The following OSTC variants were observed in gnomAD, a reference collection of about 807,000 sequenced individuals.
OSTC encodes the protein oligosaccharyltransferase complex subunit OSTC.
Under a neutral mutation model 16.4 loss-of-function variants are expected in OSTC, and 16 were observed. The ratio of observed to expected loss-of-function variants is 0.98; its 90% CI spans 0.66 to 1.49. The LOEUF is 1.49. Ranked by LOEUF, OSTC falls within the 40% of genes most tolerant of loss-of-function variation. The pLI, the probability that OSTC is intolerant of heterozygous loss-of-function variation, is 0.00. For synonymous variants in OSTC, 67 were observed against 68.5 expected, an observed-to-expected ratio of 0.98 and a Z score of 0.11; for missense variants, 139 against 186.3, an observed-to-expected ratio of 0.75 and a Z score of 1.48.
intron 1 of OSTC, 147 bp from the exon 2 acceptor site, chr4:108,655,417 A>G (rs554994777): frequency 2.3e-5 from 11 of 485,038 alleles, no homozygotes; most frequent in East Asian, 1.2e-4. Context: ...CAGTAAGCCA[A>G]GTGGCGCCAC....
chr4:108,667,192 G>A, intron 3 of OSTC, 55 bp from the exon 4 acceptor site: 1 of 1,456,700 alleles, frequency 6.9e-7, no homozygotes, highest in Non-Finnish European at 9.5e-7. Context: ...ATGATAATAA[G>A]AGAATATAAA....
chr4:108,650,831 G>C (rs754317565), intron 1 of OSTC, 37 bp downstream of exon 1: 3 of 1,613,412 alleles, frequency 1.9e-6, no homozygotes, highest in East Asian at 2.2e-5. Context: ...GCTGAGGAGC[G>C]GAGAACTGAC....
chr4:108,651,022 T>A (rs1226864064), intron 1 of OSTC: 2 of 539,184 alleles, frequency 3.7e-6, no homozygotes, highest in African/African-American at 3.8e-5. Context: ...GCCTTTCTTC[T>A]CCTTCTAGCC....
At position 108,657,917 on chromosome 4, in the gene OSTC, C is replaced by CTTTTT. The variant is rs70949037; in HGVS notation, c.431+296_431+300dup. Among the ~76,000 whole-genome samples the CTTTTT allele has an allele frequency of 2.4e-3, 161 of 67,202 alleles. 6 individuals carry two copies. The highest frequency in any genetic ancestry group is 0.016 in the Middle Eastern group (1 of 62). The allele number at this position is 67,202 out of a possible 152,430, so 44.1% of individuals were successfully genotyped here. A position where few individuals can be genotyped will look rare whatever the true frequency, so the allele number is the denominator to read the frequency against. The stretch of plus-strand genomic sequence containing the variant: ...CAATGACTGAAGATAGTCATTGTTT[C>CTTTTT]TTTTTTTTTTTTTTTTTTTTTTTTT... On this transcript the variant is annotated intron_variant, in intron 3 of 3. Coordinates refer to ENST00000361564, the MANE Select transcript of OSTC (RefSeq NM_021227.4).
At chr4:108,658,173 C>G (rs1229587818) in intron 3 of OSTC, among the ~76,000 whole-genome samples, 1 of 151,922 alleles carries the variant, frequency 6.6e-6, no homozygotes, top group Non-Finnish European at 1.5e-5. Context: ...CTCAGGTGAT[C>G]CTCCTGCCTC....
intron 3 of OSTC, among the ~76,000 whole-genome samples, chr4:108,663,005 C>T (rs1726896574): frequency 6.6e-6 from 1 of 152,270 alleles, no homozygotes; most frequent in East Asian, 1.9e-4. Flanking sequence ...ACTCTCTTGG[C>T]CTCAGGTTCC....
At chr4:108,658,815 A>G (rs1342544793) in intron 3 of OSTC, among the ~76,000 whole-genome samples, 2 of 152,008 alleles carry the variant, frequency 1.3e-5, no homozygotes, top group Non-Finnish European at 2.9e-5. Context: ...ATTGTCTGTA[A>G]CACACCTGGG....
At chr4:108,661,829 C>T (rs1438854542) in intron 3 of OSTC, among the ~76,000 whole-genome samples, 1 of 151,936 alleles carries the variant, frequency 6.6e-6, no homozygotes, top group East Asian at 1.9e-4. Flanking sequence ...GAACTCCTGA[C>T]CTCAAGTGAT....
rs1271886943 is a variant in OSTC at position 108,665,526 on chromosome 4, ATGTTTTGTGTTTTGTTTTGTTT to A, written c.432-1712_432-1691del. On this transcript the variant is annotated intron_variant, in intron 3 of 3. Coordinates refer to ENST00000361564, the MANE Select transcript of OSTC (RefSeq NM_021227.4). ...ACGGGGTTTCACCATGTTAGCCAGG[ATGTTTTGTGTTTTGTTTTGTTT>A]TGTTTTGTTTTTTCTTTTTTTTTTT... is the stretch of plus-strand genomic sequence containing the variant. 1.8e-4 allele frequency among the ~76,000 whole-genome samples: 5 copies of A among 27,164 alleles called. No homozygotes were observed. The East Asian group carries it at 0.042, about 230-fold the overall frequency. The allele number at this position is 27,164 out of a possible 152,430, so 17.8% of individuals were successfully genotyped here. A position where few individuals can be genotyped will look rare whatever the true frequency, so the allele number is the denominator to read the frequency against.
chr4:108,665,061 T>C (rs1373336085), intron 3 of OSTC, among the ~76,000 whole-genome samples: 3 of 152,166 alleles, frequency 2.0e-5, no homozygotes, highest in African/African-American at 2.4e-5. Context: ...GTTGATTGCA[T>C]TGGCTGAACA....
At position 108,664,117 on chromosome 4, in the gene OSTC, G is replaced by A. The variant is rs928660041; in HGVS notation, c.432-3130G>A. Among the ~76,000 whole-genome samples the A allele has an allele frequency of 1.5e-4, 22 of 149,396 alleles. No individual in the cohort carries two copies. The East Asian group carries it at 1.7e-3, about 12-fold the overall frequency. ...CTTTTCTTTTTTCTAACATGGTATC[G>A]TTATAACATTATAATATTTCTTAGT... On this transcript the variant is annotated intron_variant, in intron 3 of 3. Coordinates refer to ENST00000361564, the MANE Select transcript of OSTC (RefSeq NM_021227.4).
intron 1 of OSTC, among the ~76,000 whole-genome samples, chr4:108,655,090 G>A (rs1043133815): frequency 1.3e-5 from 2 of 152,164 alleles, no homozygotes; most frequent in African/African-American, 4.8e-5. Context: ...TGAGTTGAAT[G>A]TCTGAATGAT....
chr4:108,656,229 T>C lies in OSTC; in HGVS notation c.233+572T>C, dbSNP rs950273247. Among the ~76,000 whole-genome samples the C allele has an allele frequency of 3.4e-4, 46 of 134,892 alleles. 1 individual carries two copies. Among genetic ancestry groups the C allele is most frequent in the Non-Finnish European group, 1.3e-4 (8 of 63,976 alleles). The allele number at this position is 134,892 out of a possible 152,430, so 88.5% of individuals were successfully genotyped here. On this transcript the variant is annotated intron_variant, in intron 2 of 3. Transcript: ENST00000361564. Reference sequence around the variant, plus strand: ...TGGTTTTGTTCACCTGAACAATGCTTATATTGCTTTCTAAAATTTACTTAA... The same window carrying C: ...TGGTTTTGTTCACCTGAACAATGCTCATATTGCTTTCTAAAATTTACTTAA...
intron 3 of OSTC, among the ~76,000 whole-genome samples, chr4:108,659,275 C>T (rs900990580): frequency 3.9e-5 from 6 of 151,936 alleles, no homozygotes; most frequent in Admixed American, 6.6e-5. Flanking sequence ...CCACTGTGCC[C>T]GGCCAGCAGC....
At chr4:108,667,050 C>G (rs1236163346) in intron 3 of OSTC, among the ~76,000 whole-genome samples, 197 bp from the exon 4 acceptor site, 1 of 151,480 alleles carries the variant, frequency 6.6e-6, no homozygotes, top group Non-Finnish European at 1.5e-5. Context: ...AACTGAGGCT[C>G]AGTAATTTAT....
At chr4:108,657,924 T>A (rs1726754106) in intron 3 of OSTC, among the ~76,000 whole-genome samples, 1 of 123,782 alleles carries the variant, frequency 8.1e-6, no homozygotes, top group African/African-American at 3.4e-5. Flanking sequence ...TTTCTTTTTT[T>A]TTTTTTTTTT....
intron 3 of OSTC, among the ~76,000 whole-genome samples, chr4:108,657,917 C>CTTTTTTTTTTTTTTTTTTTTT (rs70949037): frequency 1.5e-5 from 1 of 67,142 alleles, no homozygotes; most frequent in African/African-American, 6.2e-5. Context: ...GTCATTGTTT[C>CTTTTTTTTTTTTTTTTTTTTT]TTTTTTTTTT....
chr4:108,662,112 T>C (rs1003255688), intron 3 of OSTC, among the ~76,000 whole-genome samples: 1 of 152,156 alleles, frequency 6.6e-6, no homozygotes, highest in African/African-American at 2.4e-5. Context: ...AAAAATGGCT[T>C]TTTAGCAATT....
chr4:108,657,917 C>CTTTTTTTTT lies in OSTC; in HGVS notation c.431+292_431+300dup, dbSNP rs70949037. 5.1e-4 allele frequency among the ~76,000 whole-genome samples: 34 copies of CTTTTTTTTT among 67,202 alleles called. 2 individuals are homozygous for CTTTTTTTTT. The highest frequency in any genetic ancestry group is 8.6e-4 in the African/African-American group (14 of 16,264). The allele number at this position is 67,202 out of a possible 152,430, so 44.1% of individuals were successfully genotyped here. The stretch of plus-strand genomic sequence containing the variant: ...CAATGACTGAAGATAGTCATTGTTT[C>CTTTTTTTTT]TTTTTTTTTTTTTTTTTTTTTTTTT... On this transcript the variant is annotated intron_variant, in intron 3 of 3. Transcript: ENST00000361564.
Sources: gnomAD v4.1 joint callset for allele counts (sites outside exome capture counted in the v4.1 genomes callset) on GRCh38, gnomAD v4.1.1 for gene constraint, MANE v1.5 for transcripts, NCBI Gene and HGNC (gene_info 2026-07-23, HGNC 2026-07-21) for gene names.